Variants in EFCAB6 observed in about 807,000 individuals in gnomAD.
EFCAB6 encodes EF-hand calcium binding domain 6, also known as EF-hand calcium-binding domain-containing protein 6.
A neutral mutation model predicts 169.8 loss-of-function variants in EFCAB6; 156 were observed. The ratio of observed to expected loss-of-function variants is 0.92; its 90% CI spans 0.81 to 1.05. EFCAB6 has a LOEUF of 1.05. Ranked by LOEUF, EFCAB6 falls within the 50% of genes least tolerant of loss-of-function variation. EFCAB6 has a pLI of 0.00. For synonymous variants in EFCAB6, 698 were observed against 676.4 expected (o/e 1.03, Z -0.50); for missense variants, 1,800 against 1,829.1 (o/e 0.98, Z 0.29).
intron 6 of EFCAB6, among the ~76,000 whole-genome samples, chr22:43,750,751 T>C (rs1029404885): frequency 1.3e-5 from 2 of 152,236 alleles, no homozygotes; most frequent in Admixed American, 6.5e-5. Context: ...AACTGATTCT[T>C]TATCCCTTGA....
At chr22:43,755,339 T>C (rs1285034112) in intron 6 of EFCAB6, among the ~76,000 whole-genome samples, 2 of 152,246 alleles carry the variant, frequency 1.3e-5, no homozygotes, top group African/African-American at 4.8e-5. Flanking sequence ...CATGGCTAAA[T>C]TACTCAATAC....
intron 2 of EFCAB6, among the ~76,000 whole-genome samples, chr22:43,800,008 G>A (rs562983882): frequency 6.6e-6 from 1 of 152,250 alleles, no homozygotes; most frequent in Non-Finnish European, 1.5e-5. Flanking sequence ...GTGCCTGAAG[G>A]GAGAAACATC....
At chr22:43,644,526 C>A (rs2056026606) in intron 17 of EFCAB6, among the ~76,000 whole-genome samples, 1 of 152,212 alleles carries the variant, frequency 6.6e-6, no homozygotes, top group African/African-American at 2.4e-5. Context: ...TCTATTTGAT[C>A]CATAGCGGAT....
rs8139373 is a variant in EFCAB6, at chr22:43,772,872, G to A, written c.351+20C>T. On this transcript the variant is annotated intron_variant, in intron 4 of 31. Coordinates refer to ENST00000262726, the MANE Select transcript of EFCAB6 (RefSeq NM_022785.4). ...CTTGTCTGGAATTGAGGGATTCTAA[G>A]TATGTACAACATACAGCACCTGAGC... 6.9e-5 allele frequency: 112 copies of A among 1,612,940 alleles called. No individual in the cohort carries two copies. The African/African-American group carries it at 1.4e-3, about 20-fold the overall frequency.
chr22:43,742,476 A>C (rs1479566047), intron 6 of EFCAB6, among the ~76,000 whole-genome samples: 1 of 152,228 alleles, frequency 6.6e-6, no homozygotes, highest in Non-Finnish European at 1.5e-5. Flanking sequence ...TGAGTGGGTG[A>C]GGAAGTTTCA....
chr22:43,555,183 G>A (rs2048632364), intron 26 of EFCAB6, 87 bp from the exon 27 acceptor site: 1 of 1,418,506 alleles, frequency 7.0e-7, no homozygotes. Flanking sequence ...CAAGTTGCAG[G>A]GAGACCCAGC....
chr22:43,784,523 GTGT>G (rs2061949160), intron 2 of EFCAB6, among the ~76,000 whole-genome samples: 1 of 121,540 alleles, frequency 8.2e-6, no homozygotes, highest in African/African-American at 3.0e-5. Flanking sequence ...GTGTGTGTGT[GTGT>G]GTGTGTGTGT....
intron 10 of EFCAB6, among the ~76,000 whole-genome samples, chr22:43,706,444 C>T (rs1392695739): frequency 2.0e-5 from 3 of 152,226 alleles, no homozygotes; most frequent in Non-Finnish European, 2.9e-5. Flanking sequence ...CATAGGTTTG[C>T]TTTGTGTTGG....
rs201248431 is a variant in EFCAB6, at chr22:43,540,301, C to T, written c.3705G>A (p.Pro1235=). ...PVNAKGRLKY[P]DFLSRFSSET... is the part of the protein sequence containing the mutation. The stretch of plus-strand genomic sequence containing the variant: ...CGGAACTGAACCTGCTCAGGAAGTC[C>T]GGGTATTTCAGCCTCCCCTTGGCAT... The change falls in exon 28 of 32, where the codon CCG becomes CCA. Residue 1235 remains proline (P), a synonymous_variant. Coordinates refer to ENST00000262726, the MANE Select transcript of EFCAB6 (RefSeq NM_022785.4). 2.0e-5 allele frequency: 32 copies of T among 1,614,162 alleles called. No individual in the cohort carries two copies. The Admixed American group carries it at 2.5e-4, about 13-fold the overall frequency.
chr22:43,564,437 A>G (rs552173591), intron 26 of EFCAB6, among the ~76,000 whole-genome samples: 1 of 150,480 alleles, frequency 6.6e-6, no homozygotes, highest in African/African-American at 2.4e-5. Flanking sequence ...GACAGAGCAA[A>G]ACTATGTCTC....
intron 20 of EFCAB6, among the ~76,000 whole-genome samples, chr22:43,620,034 A>G (rs536798782): frequency 6.6e-6 from 1 of 152,188 alleles, no homozygotes; most frequent in African/African-American, 2.4e-5. Context: ...AGTAGCCTGA[A>G]TGGTCTGGCG....
intron 6 of EFCAB6, among the ~76,000 whole-genome samples, chr22:43,750,022 T>A (rs1183667369): frequency 6.6e-6 from 1 of 152,132 alleles, no homozygotes; most frequent in African/African-American, 2.4e-5. Flanking sequence ...TTGGACTTGC[T>A]AAGGCCAGAG....
chr22:43,779,402 G>A lies in EFCAB6; in HGVS notation c.139+2778C>T, dbSNP rs531625497. On this transcript the variant is annotated intron_variant, in intron 3 of 31. Coordinates refer to ENST00000262726, the MANE Select transcript of EFCAB6 (RefSeq NM_022785.4). ...GCCCAACTGCTGATGATACCCTCTT[G>A]TAGAGGAAAGTGGTGCTGGGAGGCA... 8.5e-5 allele frequency among the ~76,000 whole-genome samples: 13 copies of A among 152,340 alleles called. No homozygotes were observed. The South Asian group carries it at 2.3e-3, about 27-fold the overall frequency.
At chr22:43,773,524 G>T (rs1412364010) in intron 3 of EFCAB6, among the ~76,000 whole-genome samples, 2 of 152,202 alleles carry the variant, frequency 1.3e-5, no homozygotes, top group African/African-American at 4.8e-5. Flanking sequence ...CAAAGACAGG[G>T]AAGAGATGGA....
chr22:43,728,238 G>C (rs1408517729), intron 8 of EFCAB6, among the ~76,000 whole-genome samples: 4 of 152,142 alleles, frequency 2.6e-5, no homozygotes, highest in Non-Finnish European at 4.4e-5. Flanking sequence ...CAAATGACAT[G>C]AATTCATTCT....
At position 43,667,083 on chromosome 22, in the gene EFCAB6, AAG is replaced by A; in HGVS notation, c.1983+19_1983+20del. On this transcript the variant is annotated intron_variant, in intron 17 of 31. Coordinates refer to ENST00000262726, the MANE Select transcript of EFCAB6 (RefSeq NM_022785.4). ...GCTGAACTTCTGCAGGATAGAAACA[AAG>A]AGAAACCCATTCTCCTACCTTCTTA... The A allele has an allele frequency of 6.2e-7, 1 of 1,606,882 alleles. No individual in the cohort carries two copies. The highest frequency in any genetic ancestry group is 8.5e-7 in the Non-Finnish European group (1 of 1,176,568).
rs777046131 is a variant in EFCAB6, at chr22:43,632,209, G to A, written c.2128C>T (p.Pro710Ser). ...TTTGAAGGAGTTGGAGGCTGCGGCG[G>A]AGTGGTTTCCGGCCCTCTCATTGGA... ...DPPMRGPETT[P>S]PQPPTPSKSY... Residue 710 changes from proline to serine, a missense_variant, in exon 19 of 32, where the codon CCG becomes TCG. By Grantham distance (74) the Pro-to-Ser change is moderately conservative (BLOSUM62 -1). Coordinates refer to ENST00000262726, the MANE Select transcript of EFCAB6 (RefSeq NM_022785.4). The A allele has an allele frequency of 6.2e-7, 1 of 1,614,082 alleles. No homozygotes were observed. Among genetic ancestry groups the A allele is most frequent in the South Asian group, 1.1e-5 (1 of 91,080 alleles).
intron 1 of EFCAB6, among the ~76,000 whole-genome samples, chr22:43,811,187 C>G (rs373656917): frequency 6.6e-6 from 1 of 151,026 alleles, no homozygotes; most frequent in Admixed American, 6.6e-5. Context: ...CACCGAGGCA[C>G]GAGAATCGCT....
At chr22:43,549,893 A>T (rs1046450507) in intron 27 of EFCAB6, among the ~76,000 whole-genome samples, 13 of 152,250 alleles carry the variant, frequency 8.5e-5, no homozygotes, top group Non-Finnish European at 1.8e-4. Context: ...TATATTGAGA[A>T]ATTGAACCCA....
Sources: gnomAD v4.1 joint callset for allele counts (sites outside exome capture counted in the v4.1 genomes callset) on GRCh38, gnomAD v4.1.1 for gene constraint, MANE v1.5 for transcripts, NCBI Gene and HGNC (gene_info 2026-07-23, HGNC 2026-07-21) for gene names.